Variants in MRTFA observed in about 807,000 individuals in gnomAD.
The protein encoded by MRTFA is myocardin-related transcription factor A.
In MRTFA, 20 loss-of-function variants were observed where a neutral mutation model predicts 83.5. The observed-to-expected ratio is 0.24, with a 90% CI of 0.17 to 0.35. The LOEUF (loss-of-function observed/expected upper bound fraction) is 0.35. MRTFA is among the 10% of genes least tolerant of loss of function. MRTFA has a pLI of 1.00. For synonymous variants in MRTFA, 659 were observed against 541.2 expected, an observed-to-expected ratio of 1.22 and a Z score of -3.02; for missense variants, 1,200 against 1,224.7, an observed-to-expected ratio of 0.98 and a Z score of 0.30.
At chr22:40,508,513 CAAAAAA>C (rs1175724448) in intron 3 of MRTFA, among the ~76,000 whole-genome samples, 30 of 26,066 alleles carry the variant, frequency 1.2e-3, no homozygotes, top group African/African-American at 3.1e-3. Flanking sequence ...CTCCGTCTCT[CAAAAAA>C]AAAAAAAAAA....
intron 1 of MRTFA, among the ~76,000 whole-genome samples, chr22:40,628,362 CTTTG>C (rs753080509): frequency 2.5e-4 from 38 of 152,188 alleles, no homozygotes; most frequent in Non-Finnish European, 5.1e-4. Flanking sequence ...AAGTTCAGAA[CTTTG>C]TTTGAATTAT....
intron 2 of MRTFA, among the ~76,000 whole-genome samples, chr22:40,589,406 T>G (rs1304662017): frequency 6.6e-6 from 1 of 152,190 alleles, no homozygotes; most frequent in Admixed American, 6.5e-5. Context: ...GAGGTATTAC[T>G]ATTCTATTTT....
At chr22:40,446,905 G>A (rs563956216) in intron 4 of MRTFA, among the ~76,000 whole-genome samples, 5 of 152,268 alleles carry the variant, frequency 3.3e-5, no homozygotes, top group Non-Finnish European at 4.4e-5. Flanking sequence ...TCATGTTTTC[G>A]TGGAGCTTAT....
intron 4 of MRTFA, among the ~76,000 whole-genome samples, chr22:40,450,243 A>C (rs1376299952): frequency 6.6e-6 from 1 of 152,162 alleles, no homozygotes; most frequent in Admixed American, 6.5e-5. Flanking sequence ...ATTCCCTATG[A>C]AGAATATATG....
At chr22:40,629,491 A>G (rs1337983935) in intron 1 of MRTFA, among the ~76,000 whole-genome samples, 1 of 146,678 alleles carries the variant, frequency 6.8e-6, no homozygotes, top group African/African-American at 2.5e-5. Flanking sequence ...GGCCAGGCAC[A>G]GTGGCTCACG....
At chr22:40,567,588 G>A (rs2055724813) in intron 2 of MRTFA, among the ~76,000 whole-genome samples, 1 of 152,166 alleles carries the variant, frequency 6.6e-6, no homozygotes, top group South Asian at 2.1e-4. Flanking sequence ...TAGACAACCT[G>A]AAATGTTGCC....
chr22:40,441,923 T>C (rs528247823), intron 4 of MRTFA, among the ~76,000 whole-genome samples: 1 of 151,752 alleles, frequency 6.6e-6, no homozygotes, highest in African/African-American at 2.4e-5. Flanking sequence ...TCGACACAGA[T>C]GTGTGATGAC....
chr22:40,570,900 G>A (rs1159830651), intron 2 of MRTFA, among the ~76,000 whole-genome samples: 1 of 151,240 alleles, frequency 6.6e-6, no homozygotes, highest in African/African-American at 2.4e-5. Context: ...TCCTAATAAA[G>A]AACATGGAGC....
chr22:40,566,132 G>C (rs980846388), intron 2 of MRTFA, among the ~76,000 whole-genome samples: 1 of 152,148 alleles, frequency 6.6e-6, no homozygotes, highest in Non-Finnish European at 1.5e-5. Flanking sequence ...TGAATGGCAT[G>C]GCCCGAGAGG....
At chr22:40,607,168 C>A (rs1199065254) in intron 1 of MRTFA, among the ~76,000 whole-genome samples, 1 of 152,112 alleles carries the variant, frequency 6.6e-6, no homozygotes, top group Non-Finnish European at 1.5e-5. Flanking sequence ...CAAAGCCCAG[C>A]CAGAATGAGT....
In MRTFA at chr22:40,411,410, G is replaced by C; in HGVS notation, c.3076C>G (p.His1026Asp). 1 of 1,566,212 alleles carries C rather than the reference G, an allele frequency of 6.4e-7. No individual in the cohort carries two copies. ...GAGAGCTACAAGCAGGAATCCCAGT[G>C]CAGCTGCAAATCATGGCCATCGAGG... The change falls in exon 15 of 15, where the codon CAC becomes GAC. Residue 1026 changes from histidine (H) to aspartate (D), a missense_variant. Physicochemically the swap from His to Asp is moderately conservative, Grantham distance 81 (BLOSUM62 -1). Around this residue, in one of 2 missense-constraint regions of MRTFA, gnomAD observed 1,107 missense variants for 1,041.8 expected, o/e 1.06. Coordinates refer to ENST00000355630, the MANE Select transcript of MRTFA (RefSeq NM_020831.6).
chr22:40,454,476 A>T (rs370250163), intron 4 of MRTFA, among the ~76,000 whole-genome samples: 1 of 152,116 alleles, frequency 6.6e-6, no homozygotes, highest in African/African-American at 2.4e-5. Context: ...GTGTGTGTGT[A>T]TATTAAAGCT....
chr22:40,443,144 C>T (rs2053310649), intron 4 of MRTFA, among the ~76,000 whole-genome samples: 1 of 151,992 alleles, frequency 6.6e-6, no homozygotes, highest in African/African-American at 2.4e-5. Context: ...CCCAACTCCT[C>T]AGGAGGCTGA....
At chr22:40,470,262 T>TATATATATATATATATATATAC (rs2053882512) in intron 3 of MRTFA, among the ~76,000 whole-genome samples, 1 of 80,886 alleles carries the variant, frequency 1.2e-5, no homozygotes, top group Non-Finnish European at 2.6e-5. Flanking sequence ...TATATATATA[T>TATATATATATATATATATATAC]ATATATATAT....
intron 4 of MRTFA, among the ~76,000 whole-genome samples, chr22:40,437,017 AAAAT>A (rs1301225434): frequency 6.6e-6 from 1 of 152,210 alleles, no homozygotes; most frequent in African/African-American, 2.4e-5. Context: ...TTTATTTTTA[AAAAT>A]TTTTTGTGAA....
chr22:40,432,031 A>G (rs920516334), intron 5 of MRTFA, among the ~76,000 whole-genome samples: 2 of 152,152 alleles, frequency 1.3e-5, no homozygotes, highest in African/African-American at 2.4e-5. Flanking sequence ...GGATCACCTG[A>G]GGTCAGGAGT....
chr22:40,519,681 T>C (rs1442038230), intron 3 of MRTFA: 16 of 1,115,612 alleles, frequency 1.4e-5, no homozygotes, highest in East Asian at 4.6e-5. Flanking sequence ...AAAAATGTTA[T>C]AACAATCACA....
intron 3 of MRTFA, among the ~76,000 whole-genome samples, chr22:40,478,514 CCTCT>C (rs1279437461): frequency 1.3e-5 from 2 of 152,138 alleles, no homozygotes; most frequent in Non-Finnish European, 2.9e-5. Flanking sequence ...TTGGAAGTCC[CCTCT>C]CTCTCACTAG....
chr22:40,614,869 T>G (rs1569353515), intron 1 of MRTFA, among the ~76,000 whole-genome samples: 1 of 152,208 alleles, frequency 6.6e-6, no homozygotes, highest in Non-Finnish European at 1.5e-5. Context: ...TATTAAATTT[T>G]TAAAGTTTTT....
Sources: allele counts gnomAD v4.1 joint callset (sites outside exome capture counted in the v4.1 genomes callset), GRCh38; gene constraint gnomAD v4.1.1; regional missense constraint gnomAD v4.1.1; transcripts MANE v1.5; gene names NCBI Gene and HGNC (gene_info 2026-07-23, HGNC 2026-07-21).